RBFOX1: variants seen among roughly 807,000 people sequenced by gnomAD.
RBFOX1 encodes the protein RNA binding fox-1 homolog 1.
Under a neutral mutation model 57.7 loss-of-function variants are expected in RBFOX1, and 8 were observed. The ratio of observed to expected loss-of-function variants is 0.14; its 90% CI spans 0.08 to 0.25. The LOEUF (loss-of-function observed/expected upper bound fraction) is 0.25, where lower values mean the gene tolerates loss of function less well. Among genes scored for constraint, RBFOX1 ranks in the 10% least tolerant of loss-of-function variants. The pLI, the probability that RBFOX1 is intolerant of heterozygous loss-of-function variation, is 1.00. For synonymous variants in RBFOX1, 326 were observed against 222.4 expected (o/e 1.47, Z -4.15); for missense variants, 611 against 548.5 (o/e 1.11, Z -1.14).
intron 1 of RBFOX1, among the ~76,000 whole-genome samples, chr16:6,041,124 C>G (rs1193052832): frequency 6.6e-6 from 1 of 152,206 alleles, no homozygotes; most frequent in African/African-American, 2.4e-5. Context: ...CCCTGCTCTC[C>G]CCCTGCAGGT....
At chr16:7,308,295 C>CTATT in intron 4 of RBFOX1, among the ~76,000 whole-genome samples, 1 of 24,656 alleles carries the variant, frequency 4.1e-5, no homozygotes, top group African/African-American at 1.4e-4. Context: ...CCACCCAGAG[C>CTATT]TGTTTTTTTT....
At chr16:6,594,739 G>A (rs1195150450) in intron 2 of RBFOX1, among the ~76,000 whole-genome samples, 2 of 151,928 alleles carry the variant, frequency 1.3e-5, no homozygotes, top group Non-Finnish European at 1.5e-5. Context: ...TTACTATATG[G>A]TATGCGTATG....
At chr16:7,662,559 A>G (rs1234723198) in intron 12 of RBFOX1, among the ~76,000 whole-genome samples, 3 of 152,184 alleles carry the variant, frequency 2.0e-5, no homozygotes, top group Admixed American at 6.5e-5. Flanking sequence ...GGAACTGAGA[A>G]TAGAATGTTA....
intron 4 of RBFOX1, among the ~76,000 whole-genome samples, chr16:7,464,688 C>CTTTTTTTTTTTTTTT (rs57553411): frequency 3.2e-5 from 2 of 62,232 alleles, no homozygotes; most frequent in African/African-American, 1.4e-4. Flanking sequence ...TATTGTCTGT[C>CTTTTTTTTTTTTTTT]TTTTTTTTTT....
intron 4 of RBFOX1, among the ~76,000 whole-genome samples, chr16:7,475,460 G>T (rs534767681): frequency 3.3e-5 from 5 of 152,070 alleles, no homozygotes; most frequent in South Asian, 2.1e-4. Context: ...GACTGCAGGC[G>T]CATGCCACCA....
chr16:6,045,515 A>T (rs914733478), intron 1 of RBFOX1, among the ~76,000 whole-genome samples: 1 of 152,204 alleles, frequency 6.6e-6, no homozygotes, highest in Non-Finnish European at 1.5e-5. Context: ...TCATGCATTC[A>T]TTCATTCATT....
intron 2 of RBFOX1, among the ~76,000 whole-genome samples, chr16:6,615,960 C>A (rs1353468378): frequency 1.3e-5 from 2 of 152,152 alleles, no homozygotes; most frequent in African/African-American, 4.8e-5. Context: ...GTACCGGTCC[C>A]TTGACGTTGT....
intron 2 of RBFOX1, among the ~76,000 whole-genome samples, chr16:6,375,366 A>G (rs17140034): frequency 0.093 from 14,071 of 151,832 alleles, 2,213 homozygotes; most frequent in African/African-American, 0.32. Flanking sequence ...AAATAATTCT[A>G]TAAATGAAAG....
At chr16:6,484,458 T>G (rs1201999324) in intron 2 of RBFOX1, among the ~76,000 whole-genome samples, 1 of 152,172 alleles carries the variant, frequency 6.6e-6, no homozygotes, top group Non-Finnish European at 1.5e-5. Context: ...TGTACCATTT[T>G]ATGACATGGA....
intron 3 of RBFOX1, among the ~76,000 whole-genome samples, chr16:5,856,227 ATGTATATATATGTG>A (rs1567631184): frequency 2.0e-4 from 11 of 55,144 alleles, no homozygotes; most frequent in South Asian, 6.4e-4. Flanking sequence ...GTATATATAT[ATGTATATATATGTG>A]TATATATATG....
At chr16:5,242,684 C>T (rs62019123) in intron 1 of RBFOX1, among the ~76,000 whole-genome samples, 1,514 of 107,852 alleles carry the variant, frequency 0.014, no homozygotes, top group African/African-American at 0.021. Flanking sequence ...CAAAACCATC[C>T]TCGTTCTTTA....
chr16:7,631,804 T>G (rs2061006148), intron 11 of RBFOX1, among the ~76,000 whole-genome samples: 1 of 152,176 alleles, frequency 6.6e-6, no homozygotes, highest in Non-Finnish European at 1.5e-5. Flanking sequence ...ACCTCCTCAC[T>G]GTTGGGGCAG....
chr16:5,408,629 G>C (rs2066927330), intron 1 of RBFOX1, among the ~76,000 whole-genome samples: 1 of 152,190 alleles, frequency 6.6e-6, no homozygotes, highest in Admixed American at 6.5e-5. Context: ...AGAAGTATCT[G>C]AGACTGGGTA....
intron 4 of RBFOX1, among the ~76,000 whole-genome samples, chr16:7,317,120 A>G (rs2096459067): frequency 6.6e-6 from 1 of 151,986 alleles, no homozygotes; most frequent in Non-Finnish European, 1.5e-5. Context: ...GGGGGTGTCA[A>G]GTAGGAAGTC....
chr16:7,043,487 A>C (rs538017374), intron 3 of RBFOX1, among the ~76,000 whole-genome samples: 1 of 152,208 alleles, frequency 6.6e-6, no homozygotes, highest in African/African-American at 2.4e-5. Context: ...CACCCTAGGT[A>C]CTTGGAGACG....
intron 2 of RBFOX1, among the ~76,000 whole-genome samples, chr16:6,570,609 CT>C (rs989301194): frequency 3.3e-5 from 5 of 151,998 alleles, no homozygotes; most frequent in African/African-American, 1.2e-4. Flanking sequence ...GTATCTCTAG[CT>C]TTTTTTAACA....
intron 2 of RBFOX1, among the ~76,000 whole-genome samples, chr16:6,548,051 G>C (rs192241978): frequency 6.6e-6 from 1 of 152,134 alleles, no homozygotes; most frequent in Non-Finnish European, 1.5e-5. Context: ...ATTCATCGTA[G>C]TAAGAATTGC....
chr16:6,249,481 G>A (rs1366519904), intron 1 of RBFOX1, among the ~76,000 whole-genome samples: 1 of 152,146 alleles, frequency 6.6e-6, no homozygotes, highest in African/African-American at 2.4e-5. Flanking sequence ...CCAAGATCGT[G>A]CCACTGCACT....
At chr16:7,217,086 G>T (rs549602617) in intron 4 of RBFOX1, among the ~76,000 whole-genome samples, 1 of 111,372 alleles carries the variant, frequency 9.0e-6, no homozygotes, top group Non-Finnish European at 1.8e-5. Flanking sequence ...CTCCTCCCCT[G>T]TTTCCCTTTC....
Sources: gnomAD v4.1 joint callset for allele counts (sites outside exome capture counted in the v4.1 genomes callset) on GRCh38, gnomAD v4.1.1 for gene constraint, MANE v1.5 for transcripts, NCBI Gene and HGNC (gene_info 2026-07-23, HGNC 2026-07-21) for gene names.